The following H3-3A variants were observed in gnomAD, a reference collection of about 807,000 sequenced individuals.
H3-3A encodes the protein histone H3.3.
For synonymous variants in H3-3A, 49 were observed against 61.4 expected (o/e 0.80, Z 0.95); for missense variants, 7 against 184.0 (o/e 0.04, Z 5.57).
intron 3 of H3-3A, among the ~76,000 whole-genome samples, chr1:226,068,286 A>G (rs992957333): frequency 6.6e-6 from 1 of 152,206 alleles, no homozygotes; most frequent in Non-Finnish European, 1.5e-5. Flanking sequence ...CACAATCCTT[A>G]TAAACTAGTA....
chr1:226,063,626 A>C (rs1657816114), intron 1 of H3-3A, among the ~76,000 whole-genome samples: 1 of 152,106 alleles, frequency 6.6e-6, no homozygotes. Flanking sequence ...AGGGACCCGA[A>C]GGAGGCAAAA....
chr1:226,062,444 G>A (rs925828671), upstream of H3-3A, among the ~76,000 whole-genome samples: 3 of 151,412 alleles, frequency 2.0e-5, no homozygotes, highest in Admixed American at 1.3e-4. Context: ...CCGGGTGCGG[G>A]CGGCAGTCTC....
At chr1:226,069,831 C>G (rs1206177281) in intron 3 of H3-3A, among the ~76,000 whole-genome samples, 5 of 151,852 alleles carry the variant, frequency 3.3e-5, no homozygotes, top group Non-Finnish European at 5.9e-5. Context: ...ACTCAAACCT[C>G]AAAAAACAAA....
chr1:226,068,242 G>A lies in H3-3A; in HGVS notation c.282+2433G>A, dbSNP rs139935199. Reference sequence around the variant, plus strand: ...GTATGGGTCATGGTCAGATCCTCTCGTAGGAGTTCAGTCTCCTCTCAGAGC... The same window carrying A: ...GTATGGGTCATGGTCAGATCCTCTCATAGGAGTTCAGTCTCCTCTCAGAGC... On this transcript the variant is annotated intron_variant, in intron 3 of 3. Transcript: ENST00000366815. Among the ~76,000 whole-genome samples, 512 of 152,212 alleles carry A rather than the reference G, an allele frequency of 3.4e-3. 1 individual carries two copies. The highest frequency in any genetic ancestry group is 7.1e-3 in the Admixed American group (108 of 15,286).
At chr1:226,063,145 G>A (rs1657792935) in intron 1 of H3-3A, among the ~76,000 whole-genome samples, 1 of 148,924 alleles carries the variant, frequency 6.7e-6, no homozygotes, top group South Asian at 2.2e-4. Flanking sequence ...TGACCCGCGC[G>A]GGCCTCTTAA....
intron 1 of H3-3A, among the ~76,000 whole-genome samples, chr1:226,063,032 C>A (rs1370915107): frequency 6.6e-6 from 1 of 152,086 alleles, no homozygotes; most frequent in Non-Finnish European, 1.5e-5. Flanking sequence ...GCAACCGCCG[C>A]GGCGCCGAGC....
At chr1:226,064,131 A>G in intron 1 of H3-3A, 198 bp from the exon 2 acceptor site, 1 of 446,032 alleles carries the variant, frequency 2.2e-6, no homozygotes, top group Non-Finnish European at 4.1e-6. Context: ...ACTGCTAACA[A>G]TTTTCTAGTA....
intron 3 of H3-3A, chr1:226,067,392 G>A (rs1657963466): frequency 6.6e-6 from 1 of 152,058 alleles, no homozygotes. Context: ...TCTTTGTTAA[G>A]CTTTTGTGTT....
chr1:226,070,600 C>T (rs898812021), intron 3 of H3-3A, among the ~76,000 whole-genome samples: 1 of 151,972 alleles, frequency 6.6e-6, no homozygotes, highest in South Asian at 2.1e-4. Flanking sequence ...GGTGAAACCC[C>T]TTCTCTACTA....
At chr1:226,069,962 C>T (rs1168680768) in intron 3 of H3-3A, among the ~76,000 whole-genome samples, 2 of 152,114 alleles carry the variant, frequency 1.3e-5, no homozygotes, top group Non-Finnish European at 2.9e-5. Flanking sequence ...GCCCCTTTTT[C>T]CTCTTCACAA....
chr1:226,065,897 T>C lies in H3-3A; in HGVS notation c.282+88T>C, dbSNP rs781294433. On this transcript the variant is annotated intron_variant, in intron 3 of 3. Transcript: ENST00000366815. ...AATTGTTGCATGTGCTTATATCATT[T>C]AATCACAAGCCTGTCAGGTAGTTGA... 1.2e-5 allele frequency: 12 copies of C among 979,048 alleles called. No individual in the cohort carries two copies. The East Asian group carries it at 3.1e-4, about 26-fold the overall frequency. 60.6% of individuals were successfully genotyped at this position (979,048 alleles called of 1,614,324 possible). A position where few individuals can be genotyped will look rare whatever the true frequency, so the allele number is the denominator to read the frequency against.
chr1:226,067,163 CG>C (rs2102738228), intron 3 of H3-3A: 1 of 152,184 alleles, frequency 6.6e-6, no homozygotes, highest in Admixed American at 6.5e-5. Flanking sequence ...AAAAGTGTAG[CG>C]TTTTTAGCTT....
chr1:226,066,125 A>G (rs1364138598), intron 3 of H3-3A: 5 of 454,666 alleles, frequency 1.1e-5, no homozygotes, highest in Non-Finnish European at 2.0e-5. Flanking sequence ...GCTGCAGGAC[A>G]TTAAGAAGAA....
chr1:226,067,666 C>T (rs1418156850), intron 3 of H3-3A, among the ~76,000 whole-genome samples: 1 of 151,670 alleles, frequency 6.6e-6, no homozygotes, highest in Non-Finnish European at 1.5e-5. Flanking sequence ...TGCTTAAACC[C>T]GGAAAGCAGA....
At chr1:226,071,221 T>C in intron 3 of H3-3A, 130 bp from the exon 4 acceptor site, 1 of 671,264 alleles carries the variant, frequency 1.5e-6, no homozygotes, top group Non-Finnish European at 2.5e-6. Flanking sequence ...AAGCATTTGG[T>C]AAAATTGTCA....
intron 1 of H3-3A, among the ~76,000 whole-genome samples, chr1:226,063,658 G>C (rs897684086): frequency 1.3e-5 from 2 of 152,178 alleles, no homozygotes; most frequent in East Asian, 3.8e-4. Context: ...TGTGGTGCTT[G>C]GGGTGGACCG....
intron 3 of H3-3A, chr1:226,066,096 T>C (rs1657914470): frequency 4.0e-6 from 2 of 497,598 alleles, no homozygotes; most frequent in Non-Finnish European, 7.2e-6. Context: ...AAGAAAATCC[T>C]CTGGTTTGGT....
At chr1:226,061,918 G>A (rs1657717921), upstream of H3-3A, 4 of 152,222 alleles carry the variant, frequency 2.6e-5, no homozygotes, top group African/African-American at 9.7e-5. Flanking sequence ...CCCTGATCCC[G>A]GAGGCCAACA....
At chr1:226,071,247 AT>A in intron 3 of H3-3A, 103 bp from the exon 4 acceptor site, 3 of 861,862 alleles carry the variant, frequency 3.5e-6, no homozygotes, top group Non-Finnish European at 3.7e-6. Context: ...TTGCCCAGTC[AT>A]TTTTTTAAAG....
Sources: allele counts gnomAD v4.1 joint callset (sites outside exome capture counted in the v4.1 genomes callset), GRCh38; gene constraint gnomAD v4.1.1; transcripts MANE v1.5; gene names NCBI Gene and HGNC (gene_info 2026-07-23, HGNC 2026-07-21).